CLSTN2: variants seen among roughly 807,000 people sequenced by gnomAD.
CLSTN2 encodes the protein calsyntenin 2.
Under a neutral mutation model 101.2 loss-of-function variants are expected in CLSTN2, and 48 were observed. The ratio of observed to expected loss-of-function variants is 0.47; its 90% CI spans 0.38 to 0.60. CLSTN2 has a LOEUF of 0.60. CLSTN2 is among the 20% of genes least tolerant of loss of function. The pLI is 0.00. For missense variants in CLSTN2, 1,160 were observed against 1,238.2 expected, an observed-to-expected ratio of 0.94 and a Z score of 0.95; for synonymous variants, 481 against 463.6, an observed-to-expected ratio of 1.04 and a Z score of -0.48.
At chr3:140,156,095 C>A (rs1335714069) in intron 1 of CLSTN2, among the ~76,000 whole-genome samples, 1 of 152,168 alleles carries the variant, frequency 6.6e-6, no homozygotes, top group Non-Finnish European at 1.5e-5. Context: ...CCTCCCTCAT[C>A]CCACTGTCCA....
At chr3:140,518,961 A>AT (rs1934974405) in intron 8 of CLSTN2, among the ~76,000 whole-genome samples, 1 of 151,790 alleles carries the variant, frequency 6.6e-6, no homozygotes, top group South Asian at 2.1e-4. Flanking sequence ...TGATGTGGGC[A>AT]TTTAGTGCTA....
At chr3:139,945,347 C>G (rs1005180406) in intron 1 of CLSTN2, among the ~76,000 whole-genome samples, 5 of 152,150 alleles carry the variant, frequency 3.3e-5, no homozygotes, top group African/African-American at 1.2e-4. Flanking sequence ...CAAGAAAGTT[C>G]TAAGTATTCA....
At chr3:139,938,052 G>A (rs1935059258) in intron 1 of CLSTN2, among the ~76,000 whole-genome samples, 1 of 147,876 alleles carries the variant, frequency 6.8e-6, no homozygotes, top group African/African-American at 2.5e-5. Context: ...AAGAATGTTT[G>A]AAATGATAAA....
chr3:140,304,270 A>T (rs757056641), intron 2 of CLSTN2, among the ~76,000 whole-genome samples: 1 of 152,216 alleles, frequency 6.6e-6, no homozygotes, highest in Admixed American at 6.5e-5. Context: ...TCTTCTGCTG[A>T]TGATGGAGCT....
At chr3:140,388,923 G>A (rs930687249) in intron 2 of CLSTN2, among the ~76,000 whole-genome samples, 1 of 151,892 alleles carries the variant, frequency 6.6e-6, no homozygotes, top group Non-Finnish European at 1.5e-5. Context: ...ATATATGAAT[G>A]TTAACTTTTG....
In CLSTN2 at chr3:140,562,174, A is replaced by G. The variant is rs756126789; in HGVS notation, c.2078A>G (p.Asn693Ser). The change falls in exon 13 of 17, where the codon AAC becomes AGC. Residue 693 changes from asparagine (N) to serine (S), a missense_variant. By Grantham distance (46) the Asn-to-Ser change is conservative (BLOSUM62 1). Coordinates refer to ENST00000458420, the MANE Select transcript of CLSTN2 (RefSeq NM_022131.3). ...GAAGTCTTAGAGGAAATGCTTCATA[A>G]CTTAGATTTCTGTGACATTTTGGTG... ...KSEVLEEMLHNLDFCDILVIG... is the reference protein window; with the variant it reads ...KSEVLEEMLHSLDFCDILVIG... The G allele has an allele frequency of 6.2e-7, 1 of 1,614,104 alleles. No homozygotes were observed. The highest frequency in any genetic ancestry group is 2.2e-5 in the East Asian group (1 of 44,872).
At chr3:140,402,804 T>C (rs1470076943) in intron 2 of CLSTN2, among the ~76,000 whole-genome samples, 1 of 152,224 alleles carries the variant, frequency 6.6e-6, no homozygotes, top group Non-Finnish European at 1.5e-5. Context: ...CAATATCATT[T>C]GATTTAAGCC....
At chr3:140,157,127 T>G (rs1029739658) in intron 1 of CLSTN2, among the ~76,000 whole-genome samples, 10 of 152,170 alleles carry the variant, frequency 6.6e-5, no homozygotes, top group Non-Finnish European at 1.5e-4. Context: ...CAATCTTTAT[T>G]TTTTTAAAGA....
chr3:140,457,667 CG>C (rs1933437747), intron 6 of CLSTN2, among the ~76,000 whole-genome samples: 1 of 152,122 alleles, frequency 6.6e-6, no homozygotes, highest in African/African-American at 2.4e-5. Context: ...TGATGAGAGG[CG>C]TGGAGCGTGG....
intron 2 of CLSTN2, among the ~76,000 whole-genome samples, chr3:140,314,547 C>T (rs1219790147): frequency 6.6e-6 from 1 of 152,132 alleles, no homozygotes; most frequent in Non-Finnish European, 1.5e-5. Context: ...CTCCTCTGCC[C>T]CCATGATACC....
chr3:140,209,981 C>T (rs2107845976), intron 2 of CLSTN2, among the ~76,000 whole-genome samples: 1 of 152,298 alleles, frequency 6.6e-6, no homozygotes, highest in South Asian at 2.1e-4. Context: ...TATTGGGCTC[C>T]TGCCATGTAC....
chr3:140,522,012 C>CA (rs1045319630), intron 8 of CLSTN2, among the ~76,000 whole-genome samples: 13 of 152,148 alleles, frequency 8.5e-5, no homozygotes, highest in African/African-American at 3.1e-4. Context: ...GCAGGGACTC[C>CA]ACACACCTCT....
At chr3:140,299,693 T>C (rs1352194450) in intron 2 of CLSTN2, among the ~76,000 whole-genome samples, 1 of 152,224 alleles carries the variant, frequency 6.6e-6, no homozygotes, top group Non-Finnish European at 1.5e-5. Flanking sequence ...ATGCTGCTTG[T>C]ATAAGATTGA....
At chr3:140,379,724 G>A (rs927812997) in intron 2 of CLSTN2, among the ~76,000 whole-genome samples, 1 of 152,114 alleles carries the variant, frequency 6.6e-6, no homozygotes, top group Non-Finnish European at 1.5e-5. Flanking sequence ...TGCCATATCC[G>A]TAGGATGGAA....
At chr3:140,524,192 C>T (rs940121567) in intron 8 of CLSTN2, among the ~76,000 whole-genome samples, 8 of 152,168 alleles carry the variant, frequency 5.3e-5, no homozygotes, top group Non-Finnish European at 1.2e-4. Context: ...GCAGGCTAGG[C>T]TGTAGCATGG....
At chr3:140,043,286 A>T (rs2107764661) in intron 1 of CLSTN2, among the ~76,000 whole-genome samples, 1 of 152,092 alleles carries the variant, frequency 6.6e-6, no homozygotes, top group Admixed American at 6.5e-5. Context: ...GATGATGAGC[A>T]TTTTTTCATG....
At chr3:139,992,641 C>G (rs1936134280) in intron 1 of CLSTN2, among the ~76,000 whole-genome samples, 3 of 152,234 alleles carry the variant, frequency 2.0e-5, no homozygotes, top group Admixed American at 2.0e-4. Context: ...TGCCCCTTAT[C>G]TGCTGCAATA....
At chr3:140,312,674 T>C (rs917761039) in intron 2 of CLSTN2, among the ~76,000 whole-genome samples, 2 of 152,244 alleles carry the variant, frequency 1.3e-5, no homozygotes, top group African/African-American at 4.8e-5. Context: ...AGCCAGTGTG[T>C]TGCAATCAGC....
At chr3:140,273,858 C>T (rs2086767585) in intron 2 of CLSTN2, among the ~76,000 whole-genome samples, 1 of 152,130 alleles carries the variant, frequency 6.6e-6, no homozygotes, top group South Asian at 2.1e-4. Flanking sequence ...AAAGAATGTC[C>T]TTACCTACTA....
Sources: allele counts gnomAD v4.1 joint callset (sites outside exome capture counted in the v4.1 genomes callset), GRCh38; gene constraint gnomAD v4.1.1; transcripts MANE v1.5; gene names NCBI Gene and HGNC (gene_info 2026-07-23, HGNC 2026-07-21).